TTF1: variants seen among roughly 807,000 people sequenced by gnomAD.
TTF1 encodes the protein transcription termination factor 1, also known as transcription termination factor, RNA polymerase I.
TTF1 carries 64 observed loss-of-function variants against 80.2 expected under a neutral mutation model. That is an observed-to-expected ratio of 0.80 (90% CI 0.65 to 0.98). TTF1 has a LOEUF of 0.98. Ranked by LOEUF, TTF1 falls within the 50% of genes least tolerant of loss-of-function variation. TTF1 has a pLI of 0.00. For missense variants in TTF1, 1,023 were observed against 1,086.2 expected (o/e 0.94, Z 0.82); for synonymous variants, 372 against 382.7 (o/e 0.97, Z 0.33).
rs748621958 is a variant in TTF1 at position 132,402,651 on chromosome 9, TTTTTTCCTC to T, written c.162_170del (p.Arg55_Lys57del). 1.2e-6 allele frequency: 2 copies of T among 1,612,940 alleles called. No homozygotes were observed. Among genetic ancestry groups the T allele is most frequent in the South Asian group, 1.1e-5 (1 of 90,802 alleles). ...GAGAAGAAATGAGATGCTGGAAATCTTTTTTCCTCTTTTTCCTCCTAGTTATTTGAGACT... is the reference window on the plus strand; with the variant it reads ...GAGAAGAAATGAGATGCTGGAAATCTTTTTTCCTCCTAGTTATTTGAGACT... On this transcript the variant is annotated inframe_deletion, in exon 2 of 11. Transcript: ENST00000334270.
At chr9:132,378,277 GTGAA>G (rs1197976480) in intron 10 of TTF1, among the ~76,000 whole-genome samples, 1 of 142,350 alleles carries the variant, frequency 7.0e-6, no homozygotes, top group East Asian at 2.2e-4. Context: ...CATGTGGTGT[GTGAA>G]TGCATGTGGT....
chr9:132,389,280 T>TC lies in TTF1; in HGVS notation c.2223-1053dup, dbSNP rs1405255998. Among the ~76,000 whole-genome samples, 10 of 151,668 alleles carry TC rather than the reference T, an allele frequency of 6.6e-5. No homozygotes were observed. The East Asian group carries it at 1.9e-3, about 29-fold the overall frequency. On this transcript the variant is annotated intron_variant, in intron 7 of 10. Coordinates refer to ENST00000334270, the MANE Select transcript of TTF1 (RefSeq NM_007344.4). ...TCACTGTAACCTCCGCCTCTTGGGTTCAAGCAATTCTCCTGCCTCAGCCTC... is the reference window on the plus strand; with the variant it reads ...TCACTGTAACCTCCGCCTCTTGGGTTCCAAGCAATTCTCCTGCCTCAGCCTC...
intron 9 of TTF1, among the ~76,000 whole-genome samples, chr9:132,385,968 C>T (rs1849460807): frequency 6.6e-6 from 1 of 152,148 alleles, no homozygotes; most frequent in Non-Finnish European, 1.5e-5. Context: ...AAATGCCTGG[C>T]ATATAGGCAC....
In TTF1 at chr9:132,401,753, A is replaced by G; in HGVS notation, c.1069T>C (p.Tyr357His). Residue 357 changes from tyrosine (Y) to histidine (H), a missense_variant, in exon 2 of 11, where the codon TAC (tyrosine) becomes CAC (histidine). Physicochemically the swap from Tyr to His is moderately conservative, Grantham distance 83 (BLOSUM62 2). Transcript: ENST00000334270. Reference protein sequence around the residue: ...VAMPESLESAYPEGSQVGSEV... With the variant: ...VAMPESLESAHPEGSQVGSEV... ...CTGCCCACCTGTGATCCTTCAGGGT[A>G]TGCACTCTCGAGGCTCTCAGGCATG... is the stretch of plus-strand genomic sequence containing the variant. 1 of 1,613,642 alleles carries G rather than the reference A, an allele frequency of 6.2e-7. No individual in the cohort carries two copies. Among genetic ancestry groups the G allele is most frequent in the South Asian group, 1.1e-5 (1 of 91,050 alleles).
chr9:132,382,112 G>C (rs1849380510), intron 9 of TTF1, among the ~76,000 whole-genome samples: 1 of 152,230 alleles, frequency 6.6e-6, no homozygotes, highest in South Asian at 2.1e-4. Context: ...AGTAAGTTGA[G>C]ATATCGAGAG....
chr9:132,405,319 C>T (rs1425607944), intron 1 of TTF1, among the ~76,000 whole-genome samples: 1 of 152,252 alleles, frequency 6.6e-6, no homozygotes, highest in Non-Finnish European at 1.5e-5. Flanking sequence ...ATTCTCCTGC[C>T]TCAGCCTCCG....
At chr9:132,404,816 C>A (rs1038137448) in intron 1 of TTF1, among the ~76,000 whole-genome samples, 8 of 152,216 alleles carry the variant, frequency 5.3e-5, no homozygotes, top group African/African-American at 1.9e-4. Context: ...CAAATTTCAA[C>A]AGACACTTTT....
intron 4 of TTF1, 123 bp downstream of exon 4, chr9:132,398,018 C>G: frequency 1.4e-6 from 1 of 689,904 alleles, no homozygotes; most frequent in Non-Finnish European, 2.3e-6. Flanking sequence ...TCAGCCATCA[C>G]AGCAGTTAAT....
In TTF1 at chr9:132,401,979, T is replaced by C. The variant is rs1200816970; in HGVS notation, c.843A>G (p.Lys281=). 4.3e-6 allele frequency: 7 copies of C among 1,613,818 alleles called. No homozygotes were observed. The highest frequency in any genetic ancestry group is 4.0e-5 in the African/African-American group (3 of 74,838). The change falls in exon 2 of 11, where the codon AAA becomes AAG. Residue 281 remains lysine (K), a synonymous_variant. Transcript: ENST00000334270. ...HKKKSKKKKK[K]KSNHQEFEAL... is the part of the protein sequence containing the mutation. Reference sequence around the variant, plus strand: ...CCTCAAATTCCTGGTGATTGGACTTTTTCTTCTTTTTTTTCTTAGACTTTT... The same window carrying C: ...CCTCAAATTCCTGGTGATTGGACTTCTTCTTCTTTTTTTTCTTAGACTTTT...
chr9:132,376,278 G>A (rs1286326747), intron 10 of TTF1, 110 bp from the exon 11 acceptor site: 3 of 1,204,796 alleles, frequency 2.5e-6, no homozygotes, highest in African/African-American at 3.1e-5. Flanking sequence ...TGTTATTGCT[G>A]TGTGTAAGGT....
At chr9:132,394,478 C>T (rs906883410) in intron 5 of TTF1, among the ~76,000 whole-genome samples, 1 of 151,568 alleles carries the variant, frequency 6.6e-6, no homozygotes, top group East Asian at 2.0e-4. Flanking sequence ...TAAGGTTTCA[C>T]CATGTTGGCC....
At chr9:132,394,425 G>A (rs532395207) in intron 5 of TTF1, among the ~76,000 whole-genome samples, 9 of 151,868 alleles carry the variant, frequency 5.9e-5, no homozygotes, top group East Asian at 2.0e-4. Flanking sequence ...GATTATAAGC[G>A]TTTGCCACCA....
In TTF1 at chr9:132,388,165, C is replaced by T. The variant is rs1355734419; in HGVS notation, c.2286G>A (p.Leu762=). The change falls in exon 8 of 11, where the codon CTG becomes CTA. Residue 762 remains leucine, a synonymous_variant. Coordinates refer to ENST00000334270, the MANE Select transcript of TTF1 (RefSeq NM_007344.4). Reference sequence around the variant, plus strand: ...TTTCAATAAGGCTGACCTTGGCCCGCAGGGCATTCATGCCATAGTAGATAC... The same window carrying T: ...TTTCAATAAGGCTGACCTTGGCCCGTAGGGCATTCATGCCATAGTAGATAC... ...GRRIYYGMNA[L]RAKVSLIERL... is the part of the protein sequence containing the mutation. The T allele has an allele frequency of 6.2e-7, 1 of 1,612,174 alleles. No individual in the cohort carries two copies. The highest frequency in any genetic ancestry group is 1.7e-5 in the Admixed American group (1 of 59,988).
chr9:132,398,119 G>C (rs1398901398), intron 4 of TTF1, 22 bp downstream of exon 4: 1 of 1,552,606 alleles, frequency 6.4e-7, no homozygotes, highest in Non-Finnish European at 8.7e-7. Context: ...GATGGTCAAA[G>C]GGTGATTGTT....
At chr9:132,404,385 CCTCT>C (rs760991203) in intron 1 of TTF1, among the ~76,000 whole-genome samples, 2 of 151,310 alleles carry the variant, frequency 1.3e-5, no homozygotes, top group African/African-American at 4.9e-5. Context: ...ACTGCCACAT[CCTCT>C]CTCTCTCTGT....
rs1296260923 is a variant in TTF1 at position 132,390,839 on chromosome 9, T to C, written c.1988-8A>G. The stretch of plus-strand genomic sequence containing the variant: ...AAGCACCACGATTTCTTTCTGTAGA[T>C]ATAAAAAGATGGTCTTATAGTAGCT... On this transcript the variant is annotated splice_polypyrimidine_tract_variant and splice_region_variant and intron_variant, in intron 6 of 10. Transcript: ENST00000334270. The C allele has an allele frequency of 7.4e-6, 12 of 1,611,414 alleles. No homozygotes were observed. Among genetic ancestry groups the C allele is most frequent in the Non-Finnish European group, 9.3e-6 (11 of 1,178,818 alleles).
At chr9:132,399,861 G>A (rs1470497048) in intron 3 of TTF1, among the ~76,000 whole-genome samples, 174 bp downstream of exon 3, 5 of 152,174 alleles carry the variant, frequency 3.3e-5, no homozygotes, top group African/African-American at 1.2e-4. Context: ...GGAAAAGCAA[G>A]TGCACTTTAT....
At chr9:132,404,884 CT>C (rs1002192971) in intron 1 of TTF1, among the ~76,000 whole-genome samples, 2 of 151,766 alleles carry the variant, frequency 1.3e-5, no homozygotes, top group Admixed American at 6.6e-5. Context: ...CCGATTATTT[CT>C]TTTTTTTCTT....
Position 132,390,650 on chromosome 9 carries a change from T to C in TTF1, c.2169A>G (p.Val723=). 6.2e-7 allele frequency: 1 copy of C among 1,614,238 alleles called. No homozygotes were observed. The highest frequency in any genetic ancestry group is 8.5e-7 in the Non-Finnish European group (1 of 1,180,046). The change falls in exon 7 of 11, where the codon GTA becomes GTG. Residue 723 remains valine, a synonymous_variant. Transcript: ENST00000334270. ...TGGTTTGCACTTTAGCTTCTACTTC[T>C]ACCCAAGATATGCCCTTGTAGAGTT... is the stretch of plus-strand genomic sequence containing the variant. ...REKLYKGISW[V]EVEAKVQTRN...
Sources: allele counts gnomAD v4.1 joint callset (sites outside exome capture counted in the v4.1 genomes callset), GRCh38; gene constraint gnomAD v4.1.1; transcripts MANE v1.5; gene names NCBI Gene and HGNC (gene_info 2026-07-23, HGNC 2026-07-21).